Variants in RBFOX1 observed in about 807,000 individuals in gnomAD.
RBFOX1 encodes the protein RNA binding protein fox-1 homolog 1.
A neutral mutation model predicts 57.7 loss-of-function variants in RBFOX1; 8 were observed. That is an observed-to-expected ratio of 0.14 (90% confidence interval 0.08 to 0.25). The LOEUF is 0.25. Among genes scored for constraint, RBFOX1 ranks in the 10% least tolerant of loss-of-function variants. The pLI is 1.00. For synonymous variants in RBFOX1, 326 were observed against 222.4 expected (o/e 1.47, Z -4.15); for missense variants, 611 against 548.5 (o/e 1.11, Z -1.14).
intron 3 of RBFOX1, among the ~76,000 whole-genome samples, chr16:6,802,432 T>C (rs2085697268): frequency 6.6e-6 from 1 of 152,168 alleles, no homozygotes; most frequent in Non-Finnish European, 1.5e-5. Flanking sequence ...ATTCCAGCAC[T>C]TTGGGAGGCC....
chr16:6,237,179 G>A (rs917510922), intron 1 of RBFOX1, among the ~76,000 whole-genome samples: 11 of 152,154 alleles, frequency 7.2e-5, no homozygotes, highest in Admixed American at 3.9e-4. Flanking sequence ...CTTTTATTAC[G>A]AACACATCTT....
Position 7,070,940 on chromosome 16 carries a change from G to C in RBFOX1, c.27+18842G>C, listed in dbSNP as rs148572162. Reference sequence around the variant, plus strand: ...GAGCTAGTAAGCAGGACTCAGCTTGGAATTTGGAAAATCCTTAGTGCAAGC... The same window carrying C: ...GAGCTAGTAAGCAGGACTCAGCTTGCAATTTGGAAAATCCTTAGTGCAAGC... On this transcript the variant is annotated intron_variant, in intron 4 of 15. Transcript: ENST00000550418. Among the ~76,000 whole-genome samples the C allele has an allele frequency of 5.4e-3, 829 of 152,212 alleles. 8 individuals carry two copies. Among genetic ancestry groups the C allele is most frequent in the African/African-American group, 0.019 (781 of 41,504 alleles).
At chr16:6,195,140 T>C (rs2097171455) in intron 1 of RBFOX1, among the ~76,000 whole-genome samples, 1 of 152,218 alleles carries the variant, frequency 6.6e-6, no homozygotes, top group Non-Finnish European at 1.5e-5. Context: ...AACAGATGGC[T>C]TAAGAAAGGT....
intron 4 of RBFOX1, among the ~76,000 whole-genome samples, chr16:5,925,456 A>T: frequency 6.6e-6 from 1 of 152,160 alleles, no homozygotes; most frequent in South Asian, 2.1e-4. Flanking sequence ...GAACAGGAAA[A>T]CCCATGGAAA....
At chr16:6,628,231 G>A (rs1165214432) in intron 2 of RBFOX1, among the ~76,000 whole-genome samples, 2 of 152,188 alleles carry the variant, frequency 1.3e-5, no homozygotes, top group Admixed American at 6.5e-5. Flanking sequence ...TTAGGAATGT[G>A]TACTCAATGA....
chr16:5,828,384 G>A (rs541422427), intron 3 of RBFOX1, among the ~76,000 whole-genome samples: 46 of 152,308 alleles, frequency 3.0e-4, no homozygotes, highest in African/African-American at 1.1e-3. Context: ...GTCTGAGTGA[G>A]TGACATCTTA....
At chr16:7,354,215 C>T (rs1210060776) in intron 4 of RBFOX1, among the ~76,000 whole-genome samples, 4 of 152,168 alleles carry the variant, frequency 2.6e-5, no homozygotes, top group Non-Finnish European at 4.4e-5. Flanking sequence ...AGGTGATCTG[C>T]CCACCTCGGC....
At chr16:6,619,805 C>T (rs1464096232) in intron 2 of RBFOX1, among the ~76,000 whole-genome samples, 4 of 150,942 alleles carry the variant, frequency 2.7e-5, no homozygotes, top group Non-Finnish European at 4.4e-5. Context: ...TTTCATCATC[C>T]AGATGGTAAT....
At chr16:6,479,414 C>T (rs1037497654) in intron 2 of RBFOX1, among the ~76,000 whole-genome samples, 1 of 151,922 alleles carries the variant, frequency 6.6e-6, no homozygotes, top group African/African-American at 2.4e-5. Flanking sequence ...ATGGTGAAAC[C>T]CTGTCTCTAC....
intron 3 of RBFOX1, among the ~76,000 whole-genome samples, chr16:6,861,244 T>C (rs1234619095): frequency 2.0e-5 from 3 of 152,164 alleles, no homozygotes; most frequent in African/African-American, 4.8e-5. Flanking sequence ...GCTGAGTTTT[T>C]TGAGCACCAC....
At chr16:5,984,510 G>A (rs568137548) in intron 4 of RBFOX1, among the ~76,000 whole-genome samples, 1 of 152,098 alleles carries the variant, frequency 6.6e-6, no homozygotes, top group South Asian at 2.1e-4. Context: ...TGTGGCAGCT[G>A]CTATGCAAAA....
chr16:5,315,596 G>A (rs2151233487), intron 1 of RBFOX1, among the ~76,000 whole-genome samples: 1 of 152,286 alleles, frequency 6.6e-6, no homozygotes, highest in East Asian at 1.9e-4. Flanking sequence ...TCACAATTAT[G>A]CCTGATGTTT....
At chr16:6,978,201 C>G (rs978956342) in intron 3 of RBFOX1, among the ~76,000 whole-genome samples, 4 of 152,126 alleles carry the variant, frequency 2.6e-5, no homozygotes, top group Non-Finnish European at 4.4e-5. Flanking sequence ...ACTGGGCCCT[C>G]GGTTGCAGTT....
intron 4 of RBFOX1, among the ~76,000 whole-genome samples, chr16:7,326,336 G>C (rs1187986045): frequency 6.6e-6 from 1 of 152,168 alleles, no homozygotes; most frequent in African/African-American, 2.4e-5. Context: ...ATTGGAGCAG[G>C]AGGTAGTGCT....
Position 7,053,998 on chromosome 16 carries a change from G to T in RBFOX1, c.27+1900G>T, listed in dbSNP as rs537966862. Among the ~76,000 whole-genome samples, 5 of 152,012 alleles carry T rather than the reference G, an allele frequency of 3.3e-5. No homozygotes were observed. The South Asian group carries it at 1.0e-3, about 32-fold the overall frequency. ...TTTTCCCTTCCCACGTGACTTAGGCGTCTAGTTCCCTCTGGGAGACCCCTA... is the reference window on the plus strand; with the variant it reads ...TTTTCCCTTCCCACGTGACTTAGGCTTCTAGTTCCCTCTGGGAGACCCCTA... On this transcript the variant is annotated intron_variant, in intron 4 of 15. Coordinates refer to ENST00000550418, the MANE Select transcript of RBFOX1 (RefSeq NM_018723.4).
At position 6,710,148 on chromosome 16, in the gene RBFOX1, C is replaced by G. The variant is rs2063470671; in HGVS notation, c.-16+55498C>G. On this transcript the variant is annotated intron_variant, in intron 3 of 15. Coordinates refer to ENST00000550418, the MANE Select transcript of RBFOX1 (RefSeq NM_018723.4). The stretch of plus-strand genomic sequence containing the variant: ...TTTGGGACTGAGGGGAGTCCAAATC[C>G]AAGCCGTGTGTCTCTAGAACTGTAG... Among the ~76,000 whole-genome samples, 8 of 152,218 alleles carry G rather than the reference C, an allele frequency of 5.3e-5. No homozygotes were observed. The South Asian group carries it at 1.7e-3, about 32-fold the overall frequency.
intron 2 of RBFOX1, among the ~76,000 whole-genome samples, chr16:5,532,840 CTG>C (rs990537516): frequency 2.6e-5 from 4 of 152,160 alleles, no homozygotes; most frequent in African/African-American, 9.7e-5. Context: ...GTTGTGAAGT[CTG>C]TGCAATGTAT....
At chr16:7,475,639 A>G (rs1023413035) in intron 4 of RBFOX1, among the ~76,000 whole-genome samples, 2 of 152,136 alleles carry the variant, frequency 1.3e-5, no homozygotes, top group African/African-American at 4.8e-5. Context: ...AGAGAGAGAT[A>G]GCTAAGATCA....
intron 1 of RBFOX1, among the ~76,000 whole-genome samples, chr16:5,302,389 C>G (rs1442675132): frequency 6.6e-6 from 1 of 152,172 alleles, no homozygotes; most frequent in Non-Finnish European, 1.5e-5. Context: ...TCCACAGGCA[C>G]TTGAAAAGAA....
Sources: allele counts gnomAD v4.1 joint callset (sites outside exome capture counted in the v4.1 genomes callset), GRCh38; gene constraint gnomAD v4.1.1; transcripts MANE v1.5; gene names NCBI Gene and HGNC (gene_info 2026-07-23, HGNC 2026-07-21).